Variants in C1orf87 observed in about 807,000 individuals in gnomAD.
C1orf87 encodes uncharacterized protein C1orf87.
C1orf87 carries 58 observed loss-of-function variants against 60.5 expected under a neutral mutation model. The observed-to-expected ratio is 0.96, with a 90% CI of 0.78 to 1.19. The LOEUF is 1.19. C1orf87 is among the 50% of genes most tolerant of loss of function. The pLI is 0.00. For missense variants in C1orf87, 673 were observed against 638.6 expected (o/e 1.05, Z -0.58); for synonymous variants, 236 against 227.4 (o/e 1.04, Z -0.34).
intron 3 of C1orf87, among the ~76,000 whole-genome samples, chr1:60,051,137 G>A (rs1304673467): frequency 6.6e-6 from 1 of 152,182 alleles, no homozygotes; most frequent in Non-Finnish European, 1.5e-5. Flanking sequence ...AAGAATTTCA[G>A]TTTAGTGAGA....
intron 11 of C1orf87, among the ~76,000 whole-genome samples, chr1:59,991,751 T>TAA (rs2100228123): frequency 6.6e-6 from 1 of 152,262 alleles, no homozygotes; most frequent in East Asian, 1.9e-4. Flanking sequence ...TACCCACACA[T>TAA]TATATATGCC....
In C1orf87 at chr1:59,990,770, G is replaced by C. The variant is rs569288085; in HGVS notation, c.1544C>G (p.Ser515Cys). 3 of 1,614,128 alleles carry C rather than the reference G, an allele frequency of 1.9e-6. No individual in the cohort carries two copies. In the East Asian group the frequency reaches 6.7e-5, roughly 36 times the overall value. The change falls in exon 12 of 12, where the codon TCC (serine) becomes TGC (cysteine). Residue 515 changes from serine to cysteine, a missense_variant. By Grantham distance (112) the Ser-to-Cys change is moderately radical. Coordinates refer to ENST00000371201, the MANE Select transcript of C1orf87 (RefSeq NM_152377.3). The stretch of plus-strand genomic sequence containing the variant: ...CTGGTCGATTTTCTGAGGGCTCAGG[G>C]ACAGGTTGTAAATGAGATTGTAGTT... ...IHNYNLIYNL[S>C]LSPQKIDQAL... is the part of the protein sequence containing the mutation.
Position 60,040,985 on chromosome 1 carries a change from A to G in C1orf87, c.483+6T>C, listed in dbSNP as rs370753392. On this transcript the variant is annotated splice_donor_region_variant and intron_variant, in intron 4 of 11. Coordinates refer to ENST00000371201, the MANE Select transcript of C1orf87 (RefSeq NM_152377.3). ...GACACAACTCAACAACTCTTAGTAT[A>G]CACACCTCAGGTTGGTCAGAGCTGC... The G allele has an allele frequency of 1.6e-5, 25 of 1,599,562 alleles. No homozygotes were observed. Among genetic ancestry groups the G allele is most frequent in the Middle Eastern group, 1.7e-4 (1 of 6,018 alleles).
chr1:60,039,397 C>T (rs602549), intron 5 of C1orf87, among the ~76,000 whole-genome samples: 46,083 of 152,008 alleles, frequency 0.3, 7,354 homozygotes, highest in South Asian at 0.48. Flanking sequence ...AACTCTGGCC[C>T]TGTCATTGGG....
chr1:60,042,096 A>G (rs1012596759), intron 3 of C1orf87, among the ~76,000 whole-genome samples: 88 of 152,186 alleles, frequency 5.8e-4, no homozygotes, highest in Non-Finnish European at 1.5e-4. Context: ...TGTGGTGTGG[A>G]ATCCCTGCTT....
intron 7 of C1orf87, among the ~76,000 whole-genome samples, chr1:60,027,721 GA>G (rs34555065): frequency 5.1e-4 from 75 of 147,976 alleles, no homozygotes; most frequent in Admixed American, 1.0e-3. Context: ...TAAAAGAGGG[GA>G]AAAAAAAAAG....
chr1:60,071,151 G>C (rs530435184), intron 2 of C1orf87, among the ~76,000 whole-genome samples: 1 of 152,058 alleles, frequency 6.6e-6, no homozygotes, highest in Non-Finnish European at 1.5e-5. Context: ...AATATAAAAG[G>C]GACATCAAAC....
intron 8 of C1orf87, among the ~76,000 whole-genome samples, chr1:60,022,906 G>A (rs1645173755): frequency 6.6e-6 from 1 of 152,104 alleles, no homozygotes; most frequent in Admixed American, 6.5e-5. Context: ...TGGATGAAGG[G>A]AAGATTCATT....
At chr1:60,061,037 A>C (rs1429896645) in intron 2 of C1orf87, among the ~76,000 whole-genome samples, 1 of 152,196 alleles carries the variant, frequency 6.6e-6, no homozygotes, top group African/African-American at 2.4e-5. Flanking sequence ...TTTCTGAGCC[A>C]GGTCTTCTAT....
chr1:60,023,756 T>C (rs1234422951), intron 8 of C1orf87, among the ~76,000 whole-genome samples: 2 of 152,204 alleles, frequency 1.3e-5, no homozygotes, highest in Non-Finnish European at 2.9e-5. Flanking sequence ...GCTATCCCAT[T>C]ACATTTAGTC....
chr1:60,011,669 C>A (rs1645086122), intron 8 of C1orf87, among the ~76,000 whole-genome samples: 1 of 152,034 alleles, frequency 6.6e-6, no homozygotes, highest in Non-Finnish European at 1.5e-5. Context: ...AAATGAAGAG[C>A]AAGTTGGGAA....
intron 8 of C1orf87, 37 bp downstream of exon 8, chr1:60,025,364 G>T (rs1336952293): frequency 6.7e-7 from 1 of 1,496,622 alleles, no homozygotes. Context: ...AGGGGTGGTG[G>T]ATACAAACAT....
At position 60,040,133 on chromosome 1, in the gene C1orf87, A is replaced by G. The variant is rs2100296578; in HGVS notation, c.531T>C (p.Leu177=). 1 of 1,614,016 alleles carries G rather than the reference A, an allele frequency of 6.2e-7. No homozygotes were observed. The highest frequency in any genetic ancestry group is 1.6e-4 in the Middle Eastern group (1 of 6,062). ...PSGTTNEDAF[L]LALVRRELKS... Reference sequence around the variant, plus strand: ...TGAGTTCTCTTCTGACCAGGGCAAGAAGAAAAGCGTCTTCATTTGTTGTCC... The same window carrying G: ...TGAGTTCTCTTCTGACCAGGGCAAGGAGAAAAGCGTCTTCATTTGTTGTCC... Residue 177 remains leucine (L), a synonymous_variant, in exon 5 of 12, where the codon CTT becomes CTC. Transcript: ENST00000371201.
intron 8 of C1orf87, among the ~76,000 whole-genome samples, chr1:60,014,358 T>C (rs1476598080): frequency 6.6e-6 from 1 of 152,144 alleles, no homozygotes. Flanking sequence ...AGCAACTAAT[T>C]GATTTTCCCA....
Position 60,025,465 on chromosome 1 carries a change from G to A in C1orf87, c.1063C>T (p.Leu355=). 6.2e-7 allele frequency: 1 copy of A among 1,612,966 alleles called. No homozygotes were observed. Among genetic ancestry groups the A allele is most frequent in the Non-Finnish European group, 8.5e-7 (1 of 1,179,506 alleles). ...RAICGKHGLY[L]TLSLLETLLN... is the part of the protein sequence containing the mutation. Reference sequence around the variant, plus strand: ...AATGTTTCCAGCAGGCTCAGGGTCAGATATAATCCATGCTTCCCACATATA... The same window carrying A: ...AATGTTTCCAGCAGGCTCAGGGTCAAATATAATCCATGCTTCCCACATATA... Residue 355 remains leucine (L), a synonymous_variant, in exon 8 of 12, where the codon CTG becomes TTG. Coordinates refer to ENST00000371201, the MANE Select transcript of C1orf87 (RefSeq NM_152377.3).
chr1:59,995,061 C>A (rs642307), intron 11 of C1orf87, among the ~76,000 whole-genome samples: 83,926 of 151,946 alleles, frequency 0.55, 23,703 homozygotes, highest in South Asian at 0.63. Context: ...GTGAAGAGGC[C>A]ATGAGAAAGG....
At chr1:60,059,385 G>C (rs17561081) in intron 2 of C1orf87, among the ~76,000 whole-genome samples, 11,713 of 152,292 alleles carry the variant, frequency 0.077, 604 homozygotes, top group Non-Finnish European at 0.11. Flanking sequence ...GCCGTGAAGA[G>C]TTTAGTGTCA....
chr1:60,010,895 TAAATAAATAAATAAATAA>T (rs1557460022), intron 8 of C1orf87: 3 of 146,850 alleles, frequency 2.0e-5, no homozygotes, highest in African/African-American at 4.9e-5. Context: ...AATAAATAAA[TAAATAAATAAATAAATAA>T]AAACTGTCTC....
At chr1:59,998,584 C>T (rs1239112778) in intron 10 of C1orf87, among the ~76,000 whole-genome samples, 1 of 152,154 alleles carries the variant, frequency 6.6e-6, no homozygotes, top group Non-Finnish European at 1.5e-5. Context: ...AATTGCCCTT[C>T]CTGCTGACCC....
Sources: allele counts gnomAD v4.1 joint callset (sites outside exome capture counted in the v4.1 genomes callset), GRCh38; gene constraint gnomAD v4.1.1; transcripts MANE v1.5; gene names NCBI Gene and HGNC (gene_info 2026-07-23, HGNC 2026-07-21).